Variants in OPHN1 observed in about 807,000 individuals in gnomAD.
OPHN1 encodes the protein oligophrenin 1.
A neutral mutation model predicts 60.7 loss-of-function variants in OPHN1; 11 were observed. The observed-to-expected ratio is 0.18, with a 90% CI of 0.11 to 0.30. The LOEUF is 0.30. OPHN1 is among the 10% of genes least tolerant of loss of function. The pLI, the probability that OPHN1 is intolerant of heterozygous loss-of-function variation, is 1.00. For synonymous variants in OPHN1, 226 were observed against 222.6 expected, an observed-to-expected ratio of 1.02 and a Z score of -0.14; for missense variants, 449 against 611.0, an observed-to-expected ratio of 0.73 and a Z score of 2.80.
intron 15 of OPHN1, among the ~76,000 whole-genome samples, chrX:68,127,161 G>T: frequency 9.0e-6 from 1 of 111,201 alleles, no homozygotes; most frequent in East Asian, 2.9e-4. Context: ...AGAGTTATTA[G>T]GTTTAGGAAA....
At chrX:68,423,799 T>C (rs1417666625) in intron 2 of OPHN1, among the ~76,000 whole-genome samples, 1 of 112,208 alleles carries the variant, frequency 8.9e-6, no homozygotes, top group East Asian at 2.8e-4. Flanking sequence ...TGTATGTCTA[T>C]ACTACCTTTT....
At chrX:68,160,390 T>C (rs2077329225) in intron 15 of OPHN1, among the ~76,000 whole-genome samples, 1 of 111,069 alleles carries the variant, frequency 9.0e-6, no homozygotes, top group Non-Finnish European at 1.9e-5. Flanking sequence ...AGAAGATGAA[T>C]AGGAAATAGA....
chrX:68,135,023 T>G (rs2147467402), intron 15 of OPHN1, among the ~76,000 whole-genome samples: 1 of 111,507 alleles, frequency 9.0e-6, no homozygotes, highest in Admixed American at 9.6e-5. Flanking sequence ...TATATTCTTT[T>G]AGTTTGAATA....
At chrX:68,331,363 G>C (rs2078293993) in intron 2 of OPHN1, among the ~76,000 whole-genome samples, 1 of 109,022 alleles carries the variant, frequency 9.2e-6, no homozygotes, top group Non-Finnish European at 1.9e-5. Context: ...GGCTGCCCTT[G>C]GTGAGAGAAA....
At chrX:68,307,317 G>A (rs1168520705) in intron 2 of OPHN1, among the ~76,000 whole-genome samples, 1 of 108,896 alleles carries the variant, frequency 9.2e-6, no homozygotes, top group Non-Finnish European at 1.9e-5. Context: ...AGCCGAGCAT[G>A]GTGGTGTGCA....
intron 5 of OPHN1, 79 bp downstream of exon 5, chrX:68,274,659 T>G (rs1425600853): frequency 8.6e-6 from 6 of 694,908 alleles, no homozygotes; most frequent in Non-Finnish European, 1.4e-5. Context: ...GTGCATATCT[T>G]TGTAAAGTGA....
chrX:68,320,863 G>C (rs1198430973), intron 2 of OPHN1, among the ~76,000 whole-genome samples: 1 of 111,331 alleles, frequency 9.0e-6, no homozygotes. Context: ...TGATAGAGCG[G>C]CTCACCAAAC....
rs1459685790 is a variant in OPHN1, at chrX:68,267,294, C to A, written c.384+7444G>T. 4.5e-5 allele frequency among the ~76,000 whole-genome samples: 5 copies of A among 111,635 alleles called. No individual in the cohort carries two copies. The Admixed American group carries it at 4.8e-4, about 11-fold the overall frequency. The stretch of plus-strand genomic sequence containing the variant: ...TAGTTGGAAGTAAAGCACTCCTCAG[C>A]ACATGTAAAAGAACAGAAATTATAA... On this transcript the variant is annotated intron_variant, in intron 5 of 24. Coordinates refer to ENST00000355520, the MANE Select transcript of OPHN1 (RefSeq NM_002547.3).
intron 15 of OPHN1, among the ~76,000 whole-genome samples, chrX:68,130,991 C>A: frequency 9.0e-6 from 1 of 110,504 alleles, no homozygotes; most frequent in East Asian, 2.8e-4. Flanking sequence ...TGTCAAAAGG[C>A]AGACTTTGAA....
intron 5 of OPHN1, among the ~76,000 whole-genome samples, chrX:68,245,377 T>C (rs1163489482): frequency 8.9e-6 from 1 of 112,422 alleles, no homozygotes; most frequent in African/African-American, 3.2e-5. Flanking sequence ...CACTTTTTCA[T>C]ACTGTGCTTT....
intron 6 of OPHN1, among the ~76,000 whole-genome samples, chrX:68,229,983 A>G (rs1373806624): frequency 8.9e-6 from 1 of 112,304 alleles, no homozygotes; most frequent in African/African-American, 3.2e-5. Flanking sequence ...GGCAACCTAC[A>G]GAATGAGAGA....
At chrX:68,391,869 G>A (rs996601714) in intron 2 of OPHN1, among the ~76,000 whole-genome samples, 1 of 111,124 alleles carries the variant, frequency 9.0e-6, no homozygotes, top group African/African-American at 3.3e-5. Flanking sequence ...AAATGGCAAG[G>A]AAACAGGTTC....
At chrX:68,325,187 GT>G (rs994448194) in intron 2 of OPHN1, among the ~76,000 whole-genome samples, 20 of 109,586 alleles carry the variant, frequency 1.8e-4, no homozygotes, top group Admixed American at 1.8e-3. Context: ...TAATCTGTAG[GT>G]TTTTTTTTAA....
chrX:68,214,182 T>G (rs968607030), intron 6 of OPHN1, among the ~76,000 whole-genome samples: 1 of 112,025 alleles, frequency 8.9e-6, no homozygotes, highest in Non-Finnish European at 1.9e-5. Flanking sequence ...CATAAAAAGC[T>G]TGAAGTCATT....
intron 20 of OPHN1, chrX:68,070,543 C>A: frequency 1.5e-6 from 1 of 653,216 alleles, no homozygotes; most frequent in Non-Finnish European, 2.6e-6. Flanking sequence ...AGAGCATCCA[C>A]CCCAGGAAGG....
rs1204028087 is a variant in OPHN1, at chrX:68,045,529, G to A, written c.*1643C>T. 9.0e-6 allele frequency: 1 copy of A among 111,172 alleles called. No homozygotes were observed. The highest frequency in any genetic ancestry group is 1.9e-5 in the Non-Finnish European group (1 of 52,997). 9.2% of individuals were successfully genotyped at this position (111,172 alleles called of 1,213,427 possible). ...GGGCCTTGGTAGAAGAGTGCAAGTA[G>A]GAAAGCTCTTTCCCTCACACTGGGC... On this transcript the variant is annotated 3_prime_UTR_variant, in exon 25 of 25. Transcript: ENST00000355520.
chrX:68,285,240 T>C (rs908434374), intron 3 of OPHN1, among the ~76,000 whole-genome samples: 1 of 111,819 alleles, frequency 8.9e-6, no homozygotes, highest in Admixed American at 9.5e-5. Flanking sequence ...TCCTCTTTAG[T>C]CTTTATTATT....
chrX:68,287,634 G>A (rs1199909245), intron 3 of OPHN1, among the ~76,000 whole-genome samples: 2 of 111,934 alleles, frequency 1.8e-5, no homozygotes, highest in Admixed American at 1.9e-4. Context: ...ATGGCTGCTA[G>A]AATGGTGGTT....
At chrX:68,287,677 T>A (rs1037292137) in intron 3 of OPHN1, among the ~76,000 whole-genome samples, 2 of 111,840 alleles carry the variant, frequency 1.8e-5, no homozygotes, top group African/African-American at 6.5e-5. Flanking sequence ...AGACGTTAGT[T>A]TTCAAAGCTA....
Sources: allele counts gnomAD v4.1 joint callset (sites outside exome capture counted in the v4.1 genomes callset), GRCh38; gene constraint gnomAD v4.1.1; transcripts MANE v1.5; gene names NCBI Gene and HGNC (gene_info 2026-07-23, HGNC 2026-07-21).